The following B3GLCT variants were observed in gnomAD, a reference collection of about 807,000 sequenced individuals.
B3GLCT encodes the protein beta 3-glucosyltransferase.
Under a neutral mutation model 63.4 loss-of-function variants are expected in B3GLCT, and 65 were observed. The ratio of observed to expected loss-of-function variants is 1.03; its 90% CI spans 0.84 to 1.26. B3GLCT has a LOEUF of 1.26. B3GLCT is among the 50% of genes most tolerant of loss of function. B3GLCT has a pLI of 0.00. For missense variants in B3GLCT, 577 were observed against 604.8 expected (o/e 0.95, Z 0.48); for synonymous variants, 233 against 219.2 (o/e 1.06, Z -0.55).
chr13:31,320,888 C>T (rs1020609620), intron 13 of B3GLCT, among the ~76,000 whole-genome samples: 2 of 152,210 alleles, frequency 1.3e-5, no homozygotes, highest in African/African-American at 4.8e-5. Context: ...TTCTTTTGGA[C>T]TCACCATAGC....
At chr13:31,210,754 T>C (rs1869214491) in intron 1 of B3GLCT, among the ~76,000 whole-genome samples, 2 of 152,256 alleles carry the variant, frequency 1.3e-5, no homozygotes, top group South Asian at 4.1e-4. Flanking sequence ...TATTTTTATT[T>C]TTATTTTTTT....
chr13:31,309,885 T>G (rs991336864), intron 12 of B3GLCT, among the ~76,000 whole-genome samples: 1 of 152,208 alleles, frequency 6.6e-6, no homozygotes, highest in African/African-American at 2.4e-5. Flanking sequence ...CTCTGTGTAG[T>G]ATTTCTTCCT....
In B3GLCT at chr13:31,226,944, A is replaced by G. The variant is rs1054694414; in HGVS notation, c.161-2241A>G. On this transcript the variant is annotated intron_variant, in intron 3 of 14. Transcript: ENST00000343307. Reference sequence around the variant, plus strand: ...TAACCATTATCCTGATTTGGTATTTATCATACTCATGTAATCTTTTATACC... The same window carrying G: ...TAACCATTATCCTGATTTGGTATTTGTCATACTCATGTAATCTTTTATACC... 1.3e-5 allele frequency among the ~76,000 whole-genome samples: 2 copies of G among 152,362 alleles called. 1 individual carries two copies. Among genetic ancestry groups the G allele is most frequent in the Non-Finnish European group, 2.9e-5 (2 of 68,034 alleles).
intron 10 of B3GLCT, among the ~76,000 whole-genome samples, chr13:31,278,577 T>TCAA (rs1872907637): frequency 6.6e-6 from 1 of 152,224 alleles, no homozygotes; most frequent in African/African-American, 2.4e-5. Context: ...AAGCCGTTTT[T>TCAA]CAACTTGGAT....
At position 31,200,010 on chromosome 13, in the gene B3GLCT, G is replaced by A; in HGVS notation, c.-75G>A. On this transcript the variant is annotated 5_prime_UTR_variant, in exon 1 of 15. Transcript: ENST00000343307. ...CAGCCGCGGCGGCAGGGCGGCGGCG[G>A]CAGCGGCGCAGCTCCGCTCCCCGCG... 1.1e-6 allele frequency: 1 copy of A among 916,280 alleles called. No individual in the cohort carries two copies. 56.8% of individuals were successfully genotyped at this position (916,280 alleles called of 1,614,324 possible).
chr13:31,297,525 C>T (rs1461442431), intron 12 of B3GLCT, among the ~76,000 whole-genome samples: 1 of 152,086 alleles, frequency 6.6e-6, no homozygotes, highest in African/African-American at 2.4e-5. Flanking sequence ...AGACAACTTC[C>T]GTGACCAAAA....
At chr13:31,209,202 G>A (rs1869135993) in intron 1 of B3GLCT, among the ~76,000 whole-genome samples, 3 of 152,216 alleles carry the variant, frequency 2.0e-5, no homozygotes, top group Non-Finnish European at 4.4e-5. Context: ...GTGGGGACAG[G>A]GGACAGTGGA....
At chr13:31,276,915 A>T (rs1872821152) in intron 10 of B3GLCT, 144 bp downstream of exon 10, 1 of 695,950 alleles carries the variant, frequency 1.4e-6, no homozygotes, top group Non-Finnish European at 2.5e-6. Flanking sequence ...TTTAATCAAT[A>T]CTCCTCATTG....
At chr13:31,252,791 TAGAC>T (rs1416139647) in intron 6 of B3GLCT, among the ~76,000 whole-genome samples, 2 of 152,142 alleles carry the variant, frequency 1.3e-5, no homozygotes, top group Admixed American at 6.5e-5. Flanking sequence ...CTGTCAGTAT[TAGAC>T]AGATCAACAA....
rs1476251156 is a variant in B3GLCT, at chr13:31,322,259, G to A, written c.1185-1492G>A. The stretch of plus-strand genomic sequence containing the variant: ...GGCCGCAGGCAGTGTTACCCAGAGA[G>A]ACTGCCATGACCTATTTATTGGCTG... On this transcript the variant is annotated intron_variant, in intron 13 of 14. Transcript: ENST00000343307. Among the ~76,000 whole-genome samples the A allele has an allele frequency of 2.0e-5, 3 of 152,262 alleles. No homozygotes were observed. In the East Asian group the frequency reaches 5.8e-4, roughly 29 times the overall value.
chr13:31,295,756 G>A (rs529812425), intron 12 of B3GLCT, among the ~76,000 whole-genome samples: 5 of 152,322 alleles, frequency 3.3e-5, no homozygotes, highest in Non-Finnish European at 5.9e-5. Flanking sequence ...TGGGCTCCGT[G>A]GGGGTGGGGT....
intron 7 of B3GLCT, among the ~76,000 whole-genome samples, chr13:31,267,847 CTTTCTTTTTTTTTT>C (rs536894143): frequency 1.7e-4 from 26 of 149,968 alleles, no homozygotes; most frequent in Non-Finnish European, 3.4e-4. Context: ...ATTTTTGTTT[CTTTCTTTTTTTTTT>C]TTTCTTTTCG....
intron 1 of B3GLCT, among the ~76,000 whole-genome samples, chr13:31,202,538 A>G (rs1191985684): frequency 6.6e-6 from 1 of 152,206 alleles, no homozygotes; most frequent in African/African-American, 2.4e-5. Context: ...TTTTCCTAAC[A>G]AAACTAATAT....
At chr13:31,233,776 A>G (rs534451062) in intron 4 of B3GLCT, among the ~76,000 whole-genome samples, 1 of 152,312 alleles carries the variant, frequency 6.6e-6, no homozygotes, top group African/African-American at 2.4e-5. Flanking sequence ...GAAAGGGAGC[A>G]TGGATACAGA....
chr13:31,275,447 C>A (rs1872738145), intron 9 of B3GLCT, among the ~76,000 whole-genome samples: 1 of 152,160 alleles, frequency 6.6e-6, no homozygotes, highest in African/African-American at 2.4e-5. Context: ...ATGTAGGATG[C>A]ATTGATTAGA....
intron 3 of B3GLCT, among the ~76,000 whole-genome samples, chr13:31,225,728 C>A (rs1593255942): frequency 6.6e-6 from 1 of 152,190 alleles, no homozygotes; most frequent in Non-Finnish European, 1.5e-5. Context: ...ACTTTCACTG[C>A]TCCCTCTGTG....
intron 14 of B3GLCT, among the ~76,000 whole-genome samples, chr13:31,328,049 G>C (rs1408539182): frequency 6.6e-6 from 1 of 152,186 alleles, no homozygotes; most frequent in Non-Finnish European, 1.5e-5. Context: ...GCCCTGGGCT[G>C]AGCACCTCTC....
intron 10 of B3GLCT, among the ~76,000 whole-genome samples, chr13:31,278,822 C>T (rs1369937340): frequency 6.6e-6 from 1 of 152,190 alleles, no homozygotes; most frequent in Non-Finnish European, 1.5e-5. Flanking sequence ...GTGTTTTTCA[C>T]ATATGTTCTA....
At position 31,316,718 on chromosome 13, in the gene B3GLCT, A is replaced by T. The variant is rs79527651; in HGVS notation, c.1065-848A>T. ...TCTAATTGGTGTAGGTTCTTAAAAC[A>T]TAGAAAAAATAGGCTTTCTTAGTAC... is the stretch of plus-strand genomic sequence containing the variant. On this transcript the variant is annotated intron_variant, in intron 12 of 14. Coordinates refer to ENST00000343307, the MANE Select transcript of B3GLCT (RefSeq NM_194318.4). 2.5e-3 allele frequency among the ~76,000 whole-genome samples: 385 copies of T among 152,130 alleles called. 1 individual carries two copies. Among genetic ancestry groups the T allele is most frequent in the African/African-American group, 8.9e-3 (369 of 41,526 alleles).
Sources: gnomAD v4.1 joint callset for allele counts (sites outside exome capture counted in the v4.1 genomes callset) on GRCh38, gnomAD v4.1.1 for gene constraint, MANE v1.5 for transcripts, NCBI Gene and HGNC (gene_info 2026-07-23, HGNC 2026-07-21) for gene names.